Variants in SH3GL3 observed in about 807,000 individuals in gnomAD.
SH3GL3 encodes SH3 domain containing GRB2 like 3, endophilin A3.
Under a neutral mutation model 47.7 loss-of-function variants are expected in SH3GL3, and 33 were observed. That is an observed-to-expected ratio of 0.69 (90% CI 0.52 to 0.92). The LOEUF (loss-of-function observed/expected upper bound fraction) is 0.92. SH3GL3 is among the 40% of genes least tolerant of loss of function. SH3GL3 has a pLI of 0.00. For synonymous variants in SH3GL3, 155 were observed against 148.8 expected, an observed-to-expected ratio of 1.04 and a Z score of -0.30; for missense variants, 363 against 417.8, an observed-to-expected ratio of 0.87 and a Z score of 1.14.
chr15:83,493,306 G>A (rs2041950851), intron 1 of SH3GL3, among the ~76,000 whole-genome samples: 1 of 152,182 alleles, frequency 6.6e-6, no homozygotes, highest in African/African-American at 2.4e-5. Flanking sequence ...AACTGTTGAA[G>A]CTGGGTGATG....
chr15:83,631,808 C>T, the SH3GL3 span, among the ~76,000 whole-genome samples: 1 of 152,192 alleles, frequency 6.6e-6, no homozygotes, highest in East Asian at 1.9e-4. Flanking sequence ...CTCTGACATG[C>T]CCTGGGGACA....
intron 1 of SH3GL3, among the ~76,000 whole-genome samples, chr15:83,554,998 G>A (rs984764089): frequency 6.6e-6 from 1 of 151,682 alleles, no homozygotes; most frequent in Non-Finnish European, 1.5e-5. Flanking sequence ...AGTGCCTGTT[G>A]GATATATCTT....
At chr15:83,624,912 C>T in the SH3GL3 span, among the ~76,000 whole-genome samples, 1 of 152,164 alleles carries the variant, frequency 6.6e-6, no homozygotes, top group Non-Finnish European at 1.5e-5. Context: ...TTAGGAGCCG[C>T]TTTTCATCTC....
chr15:83,503,773 C>A (rs557965885), intron 1 of SH3GL3, among the ~76,000 whole-genome samples: 2 of 152,286 alleles, frequency 1.3e-5, no homozygotes, highest in South Asian at 4.1e-4. Flanking sequence ...AAAAAGTAAT[C>A]CTGAAATAAA....
At chr15:83,578,817 A>G (rs1360749168) in intron 6 of SH3GL3, among the ~76,000 whole-genome samples, 3 of 152,156 alleles carry the variant, frequency 2.0e-5, no homozygotes, top group Non-Finnish European at 4.4e-5. Flanking sequence ...AAGTCTTTAG[A>G]AAATGTATTT....
chr15:83,588,832 A>C (rs2060018670), intron 8 of SH3GL3, 61 bp downstream of exon 8: 2 of 864,216 alleles, frequency 2.3e-6, no homozygotes. Flanking sequence ...AGAAACACTT[A>C]TTTACTGCTT....
At chr15:83,610,713 T>C (rs2151843897) in intron 8 of SH3GL3, among the ~76,000 whole-genome samples, 1 of 152,236 alleles carries the variant, frequency 6.6e-6, no homozygotes, top group East Asian at 1.9e-4. Flanking sequence ...CCTCAATTTC[T>C]CCATCCCTCA....
At chr15:83,473,784 T>A (rs1335312145) in intron 1 of SH3GL3, among the ~76,000 whole-genome samples, 1 of 151,632 alleles carries the variant, frequency 6.6e-6, no homozygotes, top group Non-Finnish European at 1.5e-5. Context: ...CCTGACCTCG[T>A]GATCTGCCCG....
chr15:83,490,411 C>G (rs2041828179), intron 1 of SH3GL3, among the ~76,000 whole-genome samples: 1 of 152,106 alleles, frequency 6.6e-6, no homozygotes, highest in Admixed American at 6.5e-5. Context: ...ACTCAGCCTC[C>G]TCTCAGAGAG....
downstream of SH3GL3, among the ~76,000 whole-genome samples, chr15:83,623,429 C>T (rs1247439131): frequency 4.6e-5 from 7 of 152,224 alleles, no homozygotes; most frequent in Non-Finnish European, 1.0e-4. Flanking sequence ...TGACTCAGTT[C>T]TGCTCCACAT....
intron 8 of SH3GL3, among the ~76,000 whole-genome samples, chr15:83,613,296 G>C (rs949008446): frequency 3.3e-5 from 5 of 152,170 alleles, no homozygotes; most frequent in African/African-American, 9.7e-5. Flanking sequence ...TCTACTCAGT[G>C]GTCTCTGGAG....
intron 1 of SH3GL3, among the ~76,000 whole-genome samples, chr15:83,450,790 CT>C (rs11389151): frequency 1.5e-4 from 7 of 45,358 alleles, no homozygotes; most frequent in Admixed American, 1.2e-3. Flanking sequence ...TATAGATTTT[CT>C]TTTTTTTTTT....
chr15:83,553,853 T>C (rs1016064075), intron 1 of SH3GL3, among the ~76,000 whole-genome samples: 2 of 152,202 alleles, frequency 1.3e-5, no homozygotes, highest in Admixed American at 6.5e-5. Context: ...CTTTACTCAA[T>C]GGTAAATTTA....
chr15:83,535,014 T>A (rs375087623), intron 1 of SH3GL3, among the ~76,000 whole-genome samples: 1 of 152,206 alleles, frequency 6.6e-6, no homozygotes, highest in East Asian at 1.9e-4. Context: ...TCTTAATTCT[T>A]ATAATGAAGT....
rs778505959 is a variant in SH3GL3 at position 83,611,753 on chromosome 15, G to A, written c.839-6329G>A. On this transcript the variant is annotated intron_variant, in intron 8 of 8. Coordinates refer to ENST00000427482, the MANE Select transcript of SH3GL3 (RefSeq NM_003027.5). ...TTCAGCTGAGGTGCTGGCTTCTGAT[G>A]GTGGGAAACCAAGCATTCAGGTCCC... Among the ~76,000 whole-genome samples, 7 of 152,100 alleles carry A rather than the reference G, an allele frequency of 4.6e-5. No individual in the cohort carries two copies. The South Asian group carries it at 1.0e-3, about 23-fold the overall frequency.
chr15:83,450,804 A>AATT (rs59484427), intron 1 of SH3GL3, among the ~76,000 whole-genome samples: 4 of 58,826 alleles, frequency 6.8e-5, no homozygotes, highest in East Asian at 5.2e-4. Context: ...TTTTTTTTTA[A>AATT]TTTTTTTTTT....
intron 1 of SH3GL3, among the ~76,000 whole-genome samples, chr15:83,482,635 AG>A (rs1322721808): frequency 6.6e-6 from 1 of 151,914 alleles, no homozygotes; most frequent in Non-Finnish European, 1.5e-5. Context: ...CTGGGATTAC[AG>A]GCGCGCACCA....
At chr15:83,453,538 G>C (rs1284056531) in intron 1 of SH3GL3, among the ~76,000 whole-genome samples, 11 of 151,146 alleles carry the variant, frequency 7.3e-5, no homozygotes, top group Middle Eastern at 3.4e-3. Context: ...AGTCTTGGGA[G>C]AGTGTATGTG....
chr15:83,619,657 ATACTT>A (rs1289701531), downstream of SH3GL3, among the ~76,000 whole-genome samples: 4 of 152,204 alleles, frequency 2.6e-5, no homozygotes, highest in African/African-American at 7.2e-5. Context: ...TTAATTTAAA[ATACTT>A]TACTACTAAA....
Sources: allele counts gnomAD v4.1 joint callset (sites outside exome capture counted in the v4.1 genomes callset), GRCh38; gene constraint gnomAD v4.1.1; transcripts MANE v1.5; gene names NCBI Gene and HGNC (gene_info 2026-07-23, HGNC 2026-07-21).